ADRA1B: variants seen among roughly 807,000 people sequenced by gnomAD.
ADRA1B encodes adrenoceptor alpha 1B.
A neutral mutation model predicts 17.9 loss-of-function variants in ADRA1B; 17 were observed. That is an observed-to-expected ratio of 0.95 (90% CI 0.65 to 1.42). The LOEUF (loss-of-function observed/expected upper bound fraction) is 1.42. Among genes scored for constraint, ADRA1B ranks in the 40% most tolerant of loss-of-function variants. The probability of loss-of-function intolerance (pLI) is 0.00; values close to 1 mark genes in which losing one functional copy is unlikely to be tolerated. For missense variants in ADRA1B, 681 were observed against 722.1 expected (o/e 0.94, Z 0.65); for synonymous variants, 366 against 327.6 (o/e 1.12, Z -1.27).
chr5:159,931,578 G>T (rs1197805744), intron 1 of ADRA1B, among the ~76,000 whole-genome samples: 3 of 152,068 alleles, frequency 2.0e-5, no homozygotes, highest in African/African-American at 7.2e-5. Flanking sequence ...ATATAAAAAA[G>T]AAAGGAAAAA....
chr5:159,987,613 T>A, the ADRA1B span, among the ~76,000 whole-genome samples: 1 of 152,258 alleles, frequency 6.6e-6, no homozygotes, highest in East Asian at 1.9e-4. Flanking sequence ...GCAATTCAGC[T>A]GGTGCGGCCC....
At chr5:159,905,908 G>T (rs2113126732) in intron 1 of ADRA1B, among the ~76,000 whole-genome samples, 1 of 151,818 alleles carries the variant, frequency 6.6e-6, no homozygotes, top group South Asian at 2.1e-4. Context: ...CCAGACTGGA[G>T]TGCAGAGGTG....
At chr5:159,975,714 C>G (rs962747589), downstream of ADRA1B, among the ~76,000 whole-genome samples, 1 of 152,220 alleles carries the variant, frequency 6.6e-6, no homozygotes, top group Non-Finnish European at 1.5e-5. Context: ...GGGTCCAGAT[C>G]TGGCCCTAGC....
chr5:159,908,701 G>A lies in ADRA1B; in HGVS notation c.-255-7418G>A, dbSNP rs376044790. On this transcript the variant is annotated intron_variant, in intron 1 of 2. Transcript: ENST00000641205. ...AGTGCAAGCGATTAAGACATACCAC[G>A]GAAGTGTTGTTCGGAGAATTAAATG... Among the ~76,000 whole-genome samples, 37 of 152,178 alleles carry A rather than the reference G, an allele frequency of 2.4e-4. 1 individual carries two copies. Among genetic ancestry groups the A allele is most frequent in the Admixed American group, 4.6e-4 (7 of 15,278 alleles).
intron 1 of ADRA1B, among the ~76,000 whole-genome samples, chr5:159,906,569 G>A (rs563673177): frequency 1.3e-5 from 2 of 152,202 alleles, no homozygotes; most frequent in Non-Finnish European, 2.9e-5. Flanking sequence ...TGCATCTTAA[G>A]GCTTGCTCTA....
chr5:159,962,840 T>TTTA (rs1249428313), intron 1 of ADRA1B, among the ~76,000 whole-genome samples: 1 of 147,584 alleles, frequency 6.8e-6, no homozygotes, highest in African/African-American at 2.5e-5. Context: ...CCTGGCTATT[T>TTTA]TTTTTTTTTT....
Position 159,917,688 on chromosome 5 carries a change from C to A in ADRA1B, c.783C>A (p.His261Gln), listed in dbSNP as rs746852984. 2 of 1,614,006 alleles carry A rather than the reference C, an allele frequency of 1.2e-6. No homozygotes were observed. The highest frequency in any genetic ancestry group is 1.7e-5 in the Admixed American group (1 of 60,008). The change falls in exon 1 of 2, where the codon CAC (histidine) becomes CAA (glutamine). Residue 261 changes from histidine to glutamine, a missense_variant. His to Gln is a conservative substitution (Grantham distance 24). Coordinates refer to ENST00000306675, the MANE Select transcript of ADRA1B (RefSeq NM_000679.4). ...LTLRIHSKNF[H>Q]EDTLSSTKAK... ...TGAGGATCCATTCCAAGAACTTTCACGAGGACACCCTTAGCAGTACCAAGG... is the reference window on the plus strand; with the variant it reads ...TGAGGATCCATTCCAAGAACTTTCAAGAGGACACCCTTAGCAGTACCAAGG...
rs1348734502 is a variant in ADRA1B at position 159,916,851 on chromosome 5, G to A, written c.-55G>A. The A allele has an allele frequency of 6.6e-7, 1 of 1,512,836 alleles. No homozygotes were observed. The highest frequency in any genetic ancestry group is 9.0e-7 in the Non-Finnish European group (1 of 1,116,968). 93.7% of individuals were successfully genotyped at this position (1,512,836 alleles called of 1,614,324 possible). On this transcript the variant is annotated 5_prime_UTR_variant, in exon 1 of 2. Transcript: ENST00000306675. ...GTTTCAGGGCAGCTGAGGAGCCTTC[G>A]CCGCAGCCCTTCCGAGCCCAATCAT...
intron 1 of ADRA1B, among the ~76,000 whole-genome samples, chr5:159,876,113 C>T (rs1236174859): frequency 1.3e-5 from 2 of 152,202 alleles, no homozygotes; most frequent in Admixed American, 6.5e-5. Context: ...CGCTTGAACT[C>T]AGGAGACAGA....
intron 1 of ADRA1B, among the ~76,000 whole-genome samples, chr5:159,875,931 G>A (rs761558480): frequency 2.3e-4 from 35 of 152,318 alleles, no homozygotes; most frequent in Non-Finnish European, 3.5e-4. Flanking sequence ...GCTCACGCCC[G>A]TAATCCCAAC....
At chr5:159,905,880 A>T (rs1220443073) in intron 1 of ADRA1B, among the ~76,000 whole-genome samples, 3 of 150,338 alleles carry the variant, frequency 2.0e-5, no homozygotes, top group Non-Finnish European at 4.4e-5. Flanking sequence ...TTTTTGAGTC[A>T]GAGTCTTGCT....
chr5:159,969,608 G>A (rs1755832818), intron 1 of ADRA1B, among the ~76,000 whole-genome samples: 2 of 152,262 alleles, frequency 1.3e-5, no homozygotes, highest in South Asian at 4.1e-4. Flanking sequence ...TAAGAGTGTT[G>A]GCTCTTCTTT....
At chr5:159,982,786 G>A in the ADRA1B span, among the ~76,000 whole-genome samples, 3 of 151,908 alleles carry the variant, frequency 2.0e-5, no homozygotes, top group East Asian at 3.9e-4. Flanking sequence ...CCCTCCCTCC[G>A]CAACACCTCA....
At chr5:159,912,994 C>G (rs543669271), upstream of ADRA1B, among the ~76,000 whole-genome samples, 14 of 152,278 alleles carry the variant, frequency 9.2e-5, no homozygotes, top group Non-Finnish European at 1.9e-4. Context: ...GAATTGAAAG[C>G]TAGAGAGAGC....
intron 1 of ADRA1B, among the ~76,000 whole-genome samples, chr5:159,945,773 A>G (rs1219246801): frequency 6.3e-5 from 9 of 143,678 alleles, no homozygotes; most frequent in African/African-American, 2.0e-4. Flanking sequence ...TTTGAGACGG[A>G]GTCTTGCTCT....
At chr5:159,910,723 G>A (rs1482950344) in intron 1 of ADRA1B, among the ~76,000 whole-genome samples, 2 of 152,116 alleles carry the variant, frequency 1.3e-5, no homozygotes, top group Admixed American at 1.3e-4. Flanking sequence ...GGATTTGATC[G>A]ATTAATTGTA....
chr5:159,964,264 G>A (rs966968003), intron 1 of ADRA1B, among the ~76,000 whole-genome samples: 2 of 152,174 alleles, frequency 1.3e-5, no homozygotes, highest in Admixed American at 6.5e-5. Flanking sequence ...GTTCCTCAGA[G>A]AGCAGTGCCT....
intron 1 of ADRA1B, among the ~76,000 whole-genome samples, chr5:159,900,707 C>A (rs1474377652): frequency 1.3e-5 from 2 of 152,212 alleles, no homozygotes; most frequent in South Asian, 2.1e-4. Flanking sequence ...TTCTGCCATA[C>A]CCCCCACTGA....
chr5:159,929,452 ATTTTT>A, intron 1 of ADRA1B, among the ~76,000 whole-genome samples: 1 of 140,282 alleles, frequency 7.1e-6, no homozygotes, highest in Admixed American at 7.1e-5. Context: ...TGGTTTTTGT[ATTTTT>A]TTTTTTTTTA....
Sources: allele counts gnomAD v4.1 joint callset (sites outside exome capture counted in the v4.1 genomes callset), GRCh38; gene constraint gnomAD v4.1.1; transcripts MANE v1.5; gene names NCBI Gene and HGNC (gene_info 2026-07-23, HGNC 2026-07-21).